RPS6KC1: variants seen among roughly 807,000 people sequenced by gnomAD.
The protein encoded by RPS6KC1 is ribosomal protein S6 kinase C1, also known as inactive ribosomal protein S6 kinase delta-1.
RPS6KC1 carries 54 observed loss-of-function variants against 103.8 expected under a neutral mutation model. That is an observed-to-expected ratio of 0.52 (90% CI 0.42 to 0.65). RPS6KC1 has a LOEUF of 0.65. Ranked by LOEUF, RPS6KC1 falls within the 30% of genes least tolerant of loss-of-function variation. The pLI, the probability that RPS6KC1 is intolerant of heterozygous loss-of-function variation, is 0.00. For synonymous variants in RPS6KC1, 439 were observed against 438.7 expected, an observed-to-expected ratio of 1.00 and a Z score of -0.01; for missense variants, 1,151 against 1,253.8, an observed-to-expected ratio of 0.92 and a Z score of 1.24.
the RPS6KC1 span, among the ~76,000 whole-genome samples, chr1:213,296,651 T>A: frequency 6.6e-6 from 1 of 152,186 alleles, no homozygotes; most frequent in Non-Finnish European, 1.5e-5. Context: ...GGAAGGGTAG[T>A]ATTTCTATAG....
At chr1:213,776,888 T>C in the RPS6KC1 span, among the ~76,000 whole-genome samples, 3 of 151,732 alleles carry the variant, frequency 2.0e-5, no homozygotes, top group East Asian at 3.9e-4. Context: ...CAGTGCTTGC[T>C]GATTCATACT....
At chr1:213,363,823 T>C in the RPS6KC1 span, among the ~76,000 whole-genome samples, 66 of 90,048 alleles carry the variant, frequency 7.3e-4, 1 homozygote, top group Middle Eastern at 5.7e-3. Flanking sequence ...TCTTCTCTCT[T>C]TTTTTTTTTT....
At chr1:213,114,419 T>G (rs888751319) in intron 4 of RPS6KC1, among the ~76,000 whole-genome samples, 14 of 142,412 alleles carry the variant, frequency 9.8e-5, no homozygotes, top group Non-Finnish European at 2.0e-4. Flanking sequence ...ATCCTGAGAC[T>G]TTGCTGAAGT....
chr1:213,471,906 T>C, the RPS6KC1 span, among the ~76,000 whole-genome samples: 1 of 152,166 alleles, frequency 6.6e-6, no homozygotes, highest in Non-Finnish European at 1.5e-5. Flanking sequence ...CTATTTTGAC[T>C]TGGAGCTGAA....
chr1:213,203,830 A>G (rs1215817277), intron 8 of RPS6KC1, among the ~76,000 whole-genome samples: 5 of 152,246 alleles, frequency 3.3e-5, no homozygotes, highest in African/African-American at 4.8e-5. Flanking sequence ...ACATAAGGTC[A>G]TAATGACATT....
At chr1:213,742,048 G>A in the RPS6KC1 span, among the ~76,000 whole-genome samples, 13 of 152,188 alleles carry the variant, frequency 8.5e-5, no homozygotes, top group African/African-American at 3.1e-4. Flanking sequence ...TTTGGCATAA[G>A]AGCCTAGAGG....
the RPS6KC1 span, among the ~76,000 whole-genome samples, chr1:213,504,426 T>C: frequency 6.6e-6 from 1 of 152,222 alleles, no homozygotes; most frequent in African/African-American, 2.4e-5. Context: ...TCCTACTGTC[T>C]TATCCAGATG....
chr1:213,577,925 G>A, the RPS6KC1 span, among the ~76,000 whole-genome samples: 1 of 152,244 alleles, frequency 6.6e-6, no homozygotes, highest in Non-Finnish European at 1.5e-5. Flanking sequence ...ATTTGCATAA[G>A]TAACGAGGAG....
the RPS6KC1 span, among the ~76,000 whole-genome samples, chr1:213,451,023 C>G: frequency 1.3e-5 from 2 of 152,016 alleles, no homozygotes; most frequent in Admixed American, 6.6e-5. Context: ...TTGATCACAA[C>G]CATCAGATTA....
chr1:213,446,845 T>C, the RPS6KC1 span, among the ~76,000 whole-genome samples: 2 of 152,194 alleles, frequency 1.3e-5, no homozygotes, highest in Non-Finnish European at 2.9e-5. Flanking sequence ...CTTTCCTAGG[T>C]ATTTGCCACT....
At chr1:213,619,919 A>G in the RPS6KC1 span, among the ~76,000 whole-genome samples, 1,387 of 152,348 alleles carry the variant, frequency 9.1e-3, 21 homozygotes, top group African/African-American at 0.031. Context: ...AAAAGTTAAT[A>G]TAGTACTTGG....
chr1:213,225,376 T>A (rs2093934678), intron 8 of RPS6KC1, among the ~76,000 whole-genome samples: 1 of 152,108 alleles, frequency 6.6e-6, no homozygotes. Context: ...TTCCCAGCCA[T>A]GTTTATCCAT....
At chr1:213,853,142 C>T in the RPS6KC1 span, among the ~76,000 whole-genome samples, 1 of 152,216 alleles carries the variant, frequency 6.6e-6, no homozygotes, top group Admixed American at 6.5e-5. Flanking sequence ...GTTCCTGCCA[C>T]CCTCTGCCTC....
intron 5 of RPS6KC1, among the ~76,000 whole-genome samples, chr1:213,120,449 A>C (rs530862920): frequency 5.9e-5 from 9 of 152,152 alleles, no homozygotes; most frequent in Non-Finnish European, 8.8e-5. Context: ...GCATAGTGGG[A>C]AAGTGGAAGA....
At chr1:213,852,983 T>G in the RPS6KC1 span, among the ~76,000 whole-genome samples, 4 of 152,220 alleles carry the variant, frequency 2.6e-5, no homozygotes, top group African/African-American at 9.6e-5. Flanking sequence ...AAGTTCCCCA[T>G]GGACTCAGTC....
the RPS6KC1 span, among the ~76,000 whole-genome samples, chr1:213,629,440 A>T: frequency 6.6e-6 from 1 of 151,990 alleles, no homozygotes; most frequent in South Asian, 2.1e-4. Context: ...TGCTTGGTAG[A>T]TCTTCCTCCA....
rs377020763 is a variant in RPS6KC1 at position 213,202,375 on chromosome 1, CT to C, written c.1044+25884del. ...CCTGTAATCCCAGCACTTTGGGAGA[CT>C]GAGGCAGGTGGATCACTTTTGAGAT... On this transcript the variant is annotated intron_variant, in intron 8 of 14. Transcript: ENST00000366960. Among the ~76,000 whole-genome samples, 35 of 100,180 alleles carry C rather than the reference CT, an allele frequency of 3.5e-4. No homozygotes were observed. In the East Asian group the frequency reaches 6.4e-3, roughly 18 times the overall value. The allele number at this position is 100,180 out of a possible 152,430, so 65.7% of individuals were successfully genotyped here. A position where few individuals can be genotyped will look rare whatever the true frequency, so the allele number is the denominator to read the frequency against.
chr1:213,211,678 C>T lies in RPS6KC1; in HGVS notation c.1045-18819C>T, dbSNP rs57769513. Reference sequence around the variant, plus strand: ...TTGATAGGTTTATTGTTCACTAAATCGTTAACTTCACATTTTAGTATGAGA... The same window carrying T: ...TTGATAGGTTTATTGTTCACTAAATTGTTAACTTCACATTTTAGTATGAGA... On this transcript the variant is annotated intron_variant, in intron 8 of 14. Transcript: ENST00000366960. Among the ~76,000 whole-genome samples, 308 of 152,270 alleles carry T rather than the reference C, an allele frequency of 2.0e-3. 6 individuals carry two copies. In the East Asian group the frequency reaches 0.044, roughly 22 times the overall value.
At chr1:213,776,041 C>T in the RPS6KC1 span, among the ~76,000 whole-genome samples, 1 of 152,198 alleles carries the variant, frequency 6.6e-6, no homozygotes, top group Non-Finnish European at 1.5e-5. Flanking sequence ...TTTTCAGGCT[C>T]CACTTCTAAT....
Sources: gnomAD v4.1 joint callset for allele counts (sites outside exome capture counted in the v4.1 genomes callset) on GRCh38, gnomAD v4.1.1 for gene constraint, MANE v1.5 for transcripts, NCBI Gene and HGNC (gene_info 2026-07-23, HGNC 2026-07-21) for gene names.